Variants in TMTC1 observed in about 807,000 individuals in gnomAD.
TMTC1 encodes transmembrane O-mannosyltransferase targeting cadherins 1, also known as protein O-mannosyl-transferase TMTC1.
In TMTC1, 73 loss-of-function variants were observed where a neutral mutation model predicts 104.8. The ratio of observed to expected loss-of-function variants is 0.70; its 90% confidence interval spans 0.58 to 0.85. TMTC1 has a LOEUF of 0.85. Among genes scored for constraint, TMTC1 ranks in the 40% least tolerant of loss-of-function variants. The pLI is 0.00. For synonymous variants in TMTC1, 434 were observed against 428.7 expected (o/e 1.01, Z -0.15); for missense variants, 1,035 against 1,096.1 (o/e 0.94, Z 0.79).
chr12:29,553,091 C>T (rs76885445), intron 10 of TMTC1, among the ~76,000 whole-genome samples: 2,530 of 152,212 alleles, frequency 0.017, 76 homozygotes, highest in African/African-American at 0.058. Flanking sequence ...GGTCCTTTCT[C>T]CCAAAAGGCA....
intron 1 of TMTC1, among the ~76,000 whole-genome samples, chr12:29,771,988 A>C (rs1225169902): frequency 6.6e-6 from 1 of 152,208 alleles, no homozygotes; most frequent in Non-Finnish European, 1.5e-5. Flanking sequence ...GAATGAATAA[A>C]CATGAATGGA....
chr12:29,682,396 TA>T (rs1400789167), intron 5 of TMTC1, among the ~76,000 whole-genome samples: 2 of 152,028 alleles, frequency 1.3e-5, no homozygotes, highest in Non-Finnish European at 2.9e-5. Context: ...TTATCCCAGA[TA>T]AATAAAAAAT....
chr12:29,603,803 G>A (rs553389414), intron 7 of TMTC1, among the ~76,000 whole-genome samples: 9 of 152,228 alleles, frequency 5.9e-5, no homozygotes, highest in Non-Finnish European at 1.0e-4. Flanking sequence ...TTACAATCAT[G>A]CTACTGAACA....
At chr12:29,704,771 T>C (rs1045939343) in intron 5 of TMTC1, among the ~76,000 whole-genome samples, 3 of 152,308 alleles carry the variant, frequency 2.0e-5, no homozygotes, top group Admixed American at 6.5e-5. Context: ...CTGTCTGTTA[T>C]ACAAGACTTG....
chr12:29,512,133 G>A lies in TMTC1; in HGVS notation c.2431-13C>T, dbSNP rs1165952692. 3 of 1,597,098 alleles carry A rather than the reference G, an allele frequency of 1.9e-6. No individual in the cohort carries two copies. Among genetic ancestry groups the A allele is most frequent in the Non-Finnish European group, 1.7e-6 (2 of 1,171,978 alleles). ...CCACTCTATAGCTCTAAATAAATAA[G>A]AAATATCCTCAGGTTAGGAAACAAA... On this transcript the variant is annotated splice_polypyrimidine_tract_variant and intron_variant, in intron 16 of 17. Transcript: ENST00000539277.
chr12:29,508,931 C>G (rs748072807), intron 17 of TMTC1, among the ~76,000 whole-genome samples: 1 of 152,080 alleles, frequency 6.6e-6, no homozygotes, highest in Non-Finnish European at 1.5e-5. Context: ...ATCTCCAATT[C>G]CCTAGATGCT....
chr12:29,705,777 A>G (rs1941723480), intron 5 of TMTC1, among the ~76,000 whole-genome samples: 2 of 152,164 alleles, frequency 1.3e-5, no homozygotes, highest in African/African-American at 2.4e-5. Context: ...CTCTGTCCCA[A>G]CTGAGAACTA....
chr12:29,733,440 A>G (rs1414202955), intron 5 of TMTC1, among the ~76,000 whole-genome samples: 1 of 152,184 alleles, frequency 6.6e-6, no homozygotes, highest in Non-Finnish European at 1.5e-5. Flanking sequence ...AAAAGCCATA[A>G]TGAAGGGAAA....
intron 12 of TMTC1, among the ~76,000 whole-genome samples, chr12:29,519,986 G>C (rs1944102514): frequency 6.6e-6 from 1 of 152,194 alleles, no homozygotes; most frequent in Non-Finnish European, 1.5e-5. Flanking sequence ...GAACAAAGTG[G>C]TGCTTTGGCC....
intron 9 of TMTC1, 46 bp from the exon 10 acceptor site, chr12:29,557,046 A>G: frequency 6.2e-7 from 1 of 1,602,264 alleles, no homozygotes; most frequent in East Asian, 2.2e-5. Flanking sequence ...AAAACTTCTA[A>G]GTTGGGCACA....
At chr12:29,517,083 T>C (rs1465216645) in intron 14 of TMTC1, among the ~76,000 whole-genome samples, 2 of 152,320 alleles carry the variant, frequency 1.3e-5, no homozygotes, top group East Asian at 3.9e-4. Context: ...TATCTAAATA[T>C]GCACACATAT....
At chr12:29,726,586 A>C (rs953121386) in intron 5 of TMTC1, among the ~76,000 whole-genome samples, 1 of 152,210 alleles carries the variant, frequency 6.6e-6, no homozygotes, top group African/African-American at 2.4e-5. Flanking sequence ...AACCAACCCT[A>C]GACTCTCTTC....
rs191419926 is a variant in TMTC1, at chr12:29,624,454, A to T, written c.1128+8693T>A. Among the ~76,000 whole-genome samples the T allele has an allele frequency of 3.9e-5, 6 of 152,332 alleles. No individual in the cohort carries two copies. The East Asian group carries it at 9.7e-4, about 25-fold the overall frequency. ...ATACTGTGTGTGCTCAAGGTATCAC[A>T]CACAGTATCGCACACACTCGCTCCT... On this transcript the variant is annotated intron_variant, in intron 6 of 17. Coordinates refer to ENST00000539277, the MANE Select transcript of TMTC1 (RefSeq NM_001193451.2).
chr12:29,707,982 T>G (rs1941794713), intron 5 of TMTC1, among the ~76,000 whole-genome samples: 1 of 152,144 alleles, frequency 6.6e-6, no homozygotes, highest in Non-Finnish European at 1.5e-5. Flanking sequence ...ATGGAAGACA[T>G]GTAGTGAACC....
chr12:29,593,309 A>C (rs976970617), intron 7 of TMTC1, among the ~76,000 whole-genome samples: 2 of 152,214 alleles, frequency 1.3e-5, no homozygotes, highest in Admixed American at 1.3e-4. Flanking sequence ...AGGTGAAGTT[A>C]AAGGTACCAA....
chr12:29,758,603 A>G (rs1592019888), intron 3 of TMTC1, 101 bp downstream of exon 3: 3 of 1,177,698 alleles, frequency 2.5e-6, no homozygotes, highest in Non-Finnish European at 3.7e-6. Context: ...CTTGCTTAGC[A>G]TTTCACAACC....
chr12:29,518,474 C>T lies in TMTC1; in HGVS notation c.2022G>A (p.Lys674=), dbSNP rs367583331. 1.1e-5 allele frequency: 17 copies of T among 1,613,034 alleles called. No individual in the cohort carries two copies. Among genetic ancestry groups the T allele is most frequent in the Middle Eastern group, 1.6e-4 (1 of 6,062 alleles). ...GENSMAEEWY[K]RALQVAHKAE... ...AAAGAAAAGAAAGGGAACTTTACCG[C>T]TTGTACCATTCTTCAGCCATGCTGT... The change falls in exon 13 of 18, where the codon AAG becomes AAA. Residue 674 remains lysine (K), a splice_region_variant and synonymous_variant. Transcript: ENST00000539277.
intron 5 of TMTC1, among the ~76,000 whole-genome samples, chr12:29,734,923 C>A (rs1406346039): frequency 6.6e-6 from 1 of 152,172 alleles, no homozygotes; most frequent in Admixed American, 6.5e-5. Flanking sequence ...ACATAACGTG[C>A]TGAATCTGTG....
At chr12:29,672,827 A>G (rs1303626640) in intron 5 of TMTC1, among the ~76,000 whole-genome samples, 4 of 152,202 alleles carry the variant, frequency 2.6e-5, no homozygotes, top group African/African-American at 9.6e-5. Context: ...CACTGCAGAC[A>G]AAGGCCTGCA....
Sources: gnomAD v4.1 joint callset for allele counts (sites outside exome capture counted in the v4.1 genomes callset) on GRCh38, gnomAD v4.1.1 for gene constraint, MANE v1.5 for transcripts, NCBI Gene and HGNC (gene_info 2026-07-23, HGNC 2026-07-21) for gene names.